Variants in SNAP29 observed in about 807,000 individuals in gnomAD.
The protein encoded by SNAP29 is synaptosome associated protein 29.
SNAP29 carries 13 observed loss-of-function variants against 27.9 expected under a neutral mutation model. That is an observed-to-expected ratio of 0.47 (90% CI 0.30 to 0.74). SNAP29 has a LOEUF of 0.74. Among genes scored for constraint, SNAP29 ranks in the 30% least tolerant of loss-of-function variants. The pLI is 0.06. For synonymous variants in SNAP29, 119 were observed against 127.1 expected (o/e 0.94, Z 0.43); for missense variants, 368 against 336.5 (o/e 1.09, Z -0.73).
At chr22:20,876,729 G>A (rs1056741636) in intron 2 of SNAP29, among the ~76,000 whole-genome samples, 11 of 151,924 alleles carry the variant, frequency 7.2e-5, no homozygotes, top group Admixed American at 2.0e-4. Flanking sequence ...CACCACGCCC[G>A]GCTAAATTTT....
At chr22:20,872,670 G>T (rs1376098248) in intron 2 of SNAP29, among the ~76,000 whole-genome samples, 1 of 152,092 alleles carries the variant, frequency 6.6e-6, no homozygotes, top group East Asian at 1.9e-4. Flanking sequence ...AAAGTGCTGG[G>T]ATTACAGGCG....
In SNAP29 at chr22:20,860,263, A is replaced by G. The variant is rs1928240458; in HGVS notation, c.237+916A>G. Among the ~76,000 whole-genome samples, 3 of 150,928 alleles carry G rather than the reference A, an allele frequency of 2.0e-5. No individual in the cohort carries two copies. The South Asian group carries it at 6.3e-4, about 32-fold the overall frequency. On this transcript the variant is annotated intron_variant, in intron 1 of 4. Coordinates refer to ENST00000215730, the MANE Select transcript of SNAP29 (RefSeq NM_004782.4). ...TCGCAGCTACTCAGGAGGCTGAGGT[A>G]GGAGAATCGCTTGTACCCGGGAGGC...
At chr22:20,873,133 C>T (rs1415174455) in intron 2 of SNAP29, among the ~76,000 whole-genome samples, 2 of 151,294 alleles carry the variant, frequency 1.3e-5, no homozygotes, top group Non-Finnish European at 3.0e-5. Flanking sequence ...CCTGGCCTCT[C>T]TCTTTGTTTT....
intron 2 of SNAP29, among the ~76,000 whole-genome samples, chr22:20,874,521 G>A (rs1194773164): frequency 2.0e-5 from 3 of 150,294 alleles, no homozygotes; most frequent in Middle Eastern, 3.4e-3. Context: ...CCTACAATGA[G>A]CTATGATTGT....
intron 1 of SNAP29, among the ~76,000 whole-genome samples, chr22:20,866,035 G>A (rs1246401168): frequency 6.6e-6 from 1 of 152,160 alleles, no homozygotes; most frequent in Non-Finnish European, 1.5e-5. Flanking sequence ...CTAAGCTTAG[G>A]CTCACTTGAG....
chr22:20,870,785 G>A, intron 2 of SNAP29: 1 of 569,054 alleles, frequency 1.8e-6, no homozygotes. Context: ...GAAAGAGAGG[G>A]TGTTCACCTC....
intron 2 of SNAP29, among the ~76,000 whole-genome samples, chr22:20,871,612 G>C (rs955759337): frequency 6.6e-6 from 1 of 152,144 alleles, no homozygotes; most frequent in East Asian, 1.9e-4. Context: ...GCCAGGCACG[G>C]TGGCTCACGC....
rs1029293258 is a variant in SNAP29 at position 20,859,026 on chromosome 22, G to C, written c.-85G>C. The C allele has an allele frequency of 7.2e-7, 1 of 1,391,832 alleles. No individual in the cohort carries two copies. Among genetic ancestry groups the C allele is most frequent in the Admixed American group, 2.3e-5 (1 of 43,584 alleles). 86.2% of individuals were successfully genotyped at this position (1,391,832 alleles called of 1,614,324 possible). ...GAAGGAGTTCGCGCGACGACCGCGG[G>C]GTCGGCGGGCGGGGCGAGGCCCTGG... On this transcript the variant is annotated 5_prime_UTR_variant, in exon 1 of 5. Transcript: ENST00000215730.
Position 20,859,170 on chromosome 22 carries a change from C to G in SNAP29, c.60C>G (p.Ala20=). 6.2e-7 allele frequency: 1 copy of G among 1,605,152 alleles called. No homozygotes were observed. Among genetic ancestry groups the G allele is most frequent in the South Asian group, 1.1e-5 (1 of 89,740 alleles). ...PFDDDGEDEG[A]RPAPWRDARD... ...ACGACGACGGGGAGGACGAAGGCGC[C>G]CGGCCGGCCCCTTGGAGGGACGCCC... The change falls in exon 1 of 5, where the codon GCC becomes GCG. Residue 20 remains alanine, a synonymous_variant. Transcript: ENST00000215730.
intron 4 of SNAP29, among the ~76,000 whole-genome samples, chr22:20,887,115 C>T (rs1314211284): frequency 2.6e-5 from 4 of 151,670 alleles, no homozygotes; most frequent in African/African-American, 9.7e-5. Context: ...GTCCCAGCTA[C>T]TCAGGAGGCT....
chr22:20,863,853 G>T lies in SNAP29; in HGVS notation c.237+4506G>T, dbSNP rs555548755. ...GAGATAATGCCGTGGATAAAAATGG[G>T]TTTTTTTTTTTAAGTGAAGTATTGT... is the stretch of plus-strand genomic sequence containing the variant. On this transcript the variant is annotated intron_variant, in intron 1 of 4. Coordinates refer to ENST00000215730, the MANE Select transcript of SNAP29 (RefSeq NM_004782.4). 8.4e-3 allele frequency among the ~76,000 whole-genome samples: 1,231 copies of T among 146,824 alleles called. 42 individuals are homozygous for T. The highest frequency in any genetic ancestry group is 6.1e-3 in the Non-Finnish European group (405 of 66,216).
At chr22:20,871,277 C>T (rs1601648176) in intron 2 of SNAP29, among the ~76,000 whole-genome samples, 1 of 150,804 alleles carries the variant, frequency 6.6e-6, no homozygotes, top group Non-Finnish European at 1.5e-5. Flanking sequence ...TTGTTTGAGA[C>T]CAGCCTAGAC....
Position 20,859,228 on chromosome 22 carries a change from G to A in SNAP29, c.118G>A (p.Asp40Asn), listed in dbSNP as rs775445020. Reference protein sequence around the residue: ...DLPDGPDAPADRQQYLRQEVL... With the variant: ...DLPDGPDAPANRQQYLRQEVL... ...CCCCGACGGGCCCGACGCGCCCGCGGACAGGCAGCAGTACTTGCGGCAGGA... is the reference window on the plus strand; with the variant it reads ...CCCCGACGGGCCCGACGCGCCCGCGAACAGGCAGCAGTACTTGCGGCAGGA... The change falls in exon 1 of 5, where the codon GAC (aspartate) becomes AAC (asparagine). Residue 40 changes from aspartate (D) to asparagine (N), a missense_variant. Transcript: ENST00000215730. 6.2e-7 allele frequency: 1 copy of A among 1,606,094 alleles called. No homozygotes were observed. Among genetic ancestry groups the A allele is most frequent in the Non-Finnish European group, 8.5e-7 (1 of 1,177,282 alleles).
At position 20,859,372 on chromosome 22, in the gene SNAP29, G is replaced by A; in HGVS notation, c.237+25G>A. The A allele has an allele frequency of 2.7e-6, 4 of 1,472,072 alleles. No homozygotes were observed. The South Asian group carries it at 4.5e-5, about 17-fold the overall frequency. The allele number at this position is 1,472,072 out of a possible 1,614,324, so 91.2% of individuals were successfully genotyped here. A position where few individuals can be genotyped will look rare whatever the true frequency, so the allele number is the denominator to read the frequency against. Reference sequence around the variant, plus strand: ...GGTGAGCCTGGGGCAGGGCTGGTGTGGACTCGCCGGTCTCTGTGCTGTCAA... The same window carrying A: ...GGTGAGCCTGGGGCAGGGCTGGTGTAGACTCGCCGGTCTCTGTGCTGTCAA... On this transcript the variant is annotated intron_variant, in intron 1 of 4. Transcript: ENST00000215730.
chr22:20,859,032 C>G lies in SNAP29; in HGVS notation c.-79C>G. The G allele has an allele frequency of 1.4e-6, 2 of 1,388,038 alleles. No individual in the cohort carries two copies. Among genetic ancestry groups the G allele is most frequent in the Non-Finnish European group, 2.0e-6 (2 of 1,013,330 alleles). 86.0% of individuals were successfully genotyped at this position (1,388,038 alleles called of 1,614,324 possible). ...GTTCGCGCGACGACCGCGGGGTCGG[C>G]GGGCGGGGCGAGGCCCTGGACGGCG... is the stretch of plus-strand genomic sequence containing the variant. On this transcript the variant is annotated 5_prime_UTR_variant, in exon 1 of 5. Transcript: ENST00000215730.
At chr22:20,883,329 T>A in intron 3 of SNAP29, 142 bp from the exon 4 acceptor site, 2 of 651,768 alleles carry the variant, frequency 3.1e-6, no homozygotes, top group South Asian at 2.9e-5. Context: ...GCTGTGCTCC[T>A]CCCTCATCCC....
chr22:20,874,365 A>G (rs1478993161), intron 2 of SNAP29, among the ~76,000 whole-genome samples: 1 of 121,050 alleles, frequency 8.3e-6, no homozygotes, highest in Non-Finnish European at 1.8e-5. Flanking sequence ...ACACACACAC[A>G]CACACACACA....
chr22:20,861,266 A>C (rs185207202), intron 1 of SNAP29, among the ~76,000 whole-genome samples: 2 of 150,196 alleles, frequency 1.3e-5, no homozygotes, highest in Non-Finnish European at 3.0e-5. Flanking sequence ...TAAGGCGTGC[A>C]CTACCACACC....
Position 20,859,070 on chromosome 22 carries a change from C to T in SNAP29, c.-41C>T, listed in dbSNP as rs1172714410. On this transcript the variant is annotated 5_prime_UTR_variant, in exon 1 of 5. Transcript: ENST00000215730. Reference sequence around the variant, plus strand: ...GCCCTGGACGGCGGCGGCAGTGGGGCTCCTCCTTCTGTTTCCCAGACCGAG... The same window carrying T: ...GCCCTGGACGGCGGCGGCAGTGGGGTTCCTCCTTCTGTTTCCCAGACCGAG... 11 of 1,510,734 alleles carry T rather than the reference C, an allele frequency of 7.3e-6. No homozygotes were observed. Among genetic ancestry groups the T allele is most frequent in the African/African-American group, 5.4e-5 (4 of 73,448 alleles). 93.6% of individuals were successfully genotyped at this position (1,510,734 alleles called of 1,614,324 possible).
Sources: allele counts gnomAD v4.1 joint callset (sites outside exome capture counted in the v4.1 genomes callset), GRCh38; gene constraint gnomAD v4.1.1; transcripts MANE v1.5; gene names NCBI Gene and HGNC (gene_info 2026-07-23, HGNC 2026-07-21).